The following CMYA5 variants were observed in gnomAD, a reference collection of about 807,000 sequenced individuals.
CMYA5 encodes cardiomyopathy associated 5.
Under a neutral mutation model 318.9 loss-of-function variants are expected in CMYA5, and 246 were observed. The observed-to-expected ratio is 0.77, with a 90% CI of 0.70 to 0.86. The LOEUF is 0.86. CMYA5 is among the 40% of genes least tolerant of loss of function. CMYA5 has a pLI of 0.00. For synonymous variants in CMYA5, 1,641 were observed against 1,729.5 expected, an observed-to-expected ratio of 0.95 and a Z score of 1.27; for missense variants, 4,589 against 4,678.2, an observed-to-expected ratio of 0.98 and a Z score of 0.56.
intron 1 of CMYA5, among the ~76,000 whole-genome samples, chr5:79,701,090 C>CAAAAAA (rs1554097982): frequency 2.0e-4 from 23 of 114,926 alleles, no homozygotes; most frequent in African/African-American, 6.2e-4. Flanking sequence ...ACTAAAAATA[C>CAAAAAA]AAAAAAAAAA....
chr5:79,766,261 G>A (rs1004101909), intron 9 of CMYA5, among the ~76,000 whole-genome samples: 3 of 151,988 alleles, frequency 2.0e-5, no homozygotes, highest in South Asian at 4.2e-4. Context: ...ACCAAGCCCC[G>A]CTAATTTTTT....
rs145112902 is a variant in CMYA5, at chr5:79,693,209, T to C, written c.149+3153T>C. 1.9e-3 allele frequency among the ~76,000 whole-genome samples: 285 copies of C among 152,284 alleles called. 1 individual carries two copies. The highest frequency in any genetic ancestry group is 6.0e-3 in the African/African-American group (248 of 41,556). On this transcript the variant is annotated intron_variant, in intron 1 of 12. Transcript: ENST00000446378. Reference sequence around the variant, plus strand: ...GTTTCTAAAACTTCATGGGAGAACTTTTGTGAAAGGCAGATTATAAAACTC... The same window carrying C: ...GTTTCTAAAACTTCATGGGAGAACTCTTGTGAAAGGCAGATTATAAAACTC...
chr5:79,734,189 A>G lies in CMYA5; in HGVS notation c.5424A>G (p.Glu1808=), dbSNP rs1827993016. The change falls in exon 2 of 13, where the codon GAA becomes GAG. Residue 1808 remains glutamate, a synonymous_variant. Coordinates refer to ENST00000446378, the MANE Select transcript of CMYA5 (RefSeq NM_153610.5). ...CCCAGGTACTCCAGAGTATAACAGA[A>G]CCATCAAAGATTGCTCCTTCTGACC... is the stretch of plus-strand genomic sequence containing the variant. ...NSSQVLQSIT[E]PSKIAPSDLL... is the part of the protein sequence containing the mutation. 5 of 1,613,716 alleles carry G rather than the reference A, an allele frequency of 3.1e-6. No individual in the cohort carries two copies. Among genetic ancestry groups the G allele is most frequent in the African/African-American group, 1.3e-5 (1 of 74,892 alleles).
In CMYA5 at chr5:79,731,440, G is replaced by A. The variant is rs759695468; in HGVS notation, c.2675G>A (p.Arg892Gln). The A allele has an allele frequency of 5.5e-5, 88 of 1,612,638 alleles. 2 individuals carry two copies. In the South Asian group the frequency reaches 8.1e-4, roughly 15 times the overall value. ...GACGAAGAGGCAGTCGAGTTGGAAC[G>A]ATACACACCCTCTTCTACATCTGCT... ...LSDEEAVELE[R>Q]YTPSSTSASE... is the part of the protein sequence containing the mutation. The change falls in exon 2 of 13, where the codon CGA (arginine) becomes CAA (glutamine). Residue 892 changes from arginine to glutamine, a missense_variant. Arg to Gln is a conservative substitution (Grantham distance 43). Transcript: ENST00000446378.
rs751836304 is a variant in CMYA5, at chr5:79,735,681, G to A, written c.6916G>A (p.Val2306Ile). The A allele has an allele frequency of 3.7e-5, 60 of 1,610,932 alleles. No individual in the cohort carries two copies. Among genetic ancestry groups the A allele is most frequent in the Non-Finnish European group, 8.5e-6 (10 of 1,179,202 alleles). The part of the protein sequence containing the change: ...GDSEEMNINS[V>I]VTSADGENLE... ...TTCAGAGGAAATGAACATAAACTCA[G>A]TAGTTACTTCTGCTGATGGTGAGAA... is the stretch of plus-strand genomic sequence containing the variant. The change falls in exon 2 of 13, where the codon GTA (valine) becomes ATA (isoleucine). Residue 2306 changes from valine (V) to isoleucine (I), a missense_variant. Around this residue, in one of 3 missense-constraint regions of CMYA5, gnomAD observed 2,431 missense variants for 2,495.1 expected, o/e 0.97. Coordinates refer to ENST00000446378, the MANE Select transcript of CMYA5 (RefSeq NM_153610.5).
chr5:79,760,120 C>T (rs1416535396), intron 7 of CMYA5, among the ~76,000 whole-genome samples: 1 of 151,074 alleles, frequency 6.6e-6, no homozygotes, highest in Non-Finnish European at 1.5e-5. Context: ...ACTTCATCTC[C>T]ATCTATTTCT....
At chr5:79,759,582 T>C (rs991377710) in intron 7 of CMYA5, among the ~76,000 whole-genome samples, 19 of 152,328 alleles carry the variant, frequency 1.2e-4, no homozygotes, top group African/African-American at 4.3e-4. Flanking sequence ...CAGAAGGACT[T>C]CTAATAAGCC....
At chr5:79,756,878 C>A (rs1411352654) in intron 6 of CMYA5, among the ~76,000 whole-genome samples, 3 of 151,630 alleles carry the variant, frequency 2.0e-5, no homozygotes, top group Admixed American at 6.6e-5. Flanking sequence ...GAAAAAAAAC[C>A]CATAAAAAAT....
chr5:79,750,916 G>T (rs1055609814), intron 5 of CMYA5, among the ~76,000 whole-genome samples: 1 of 152,166 alleles, frequency 6.6e-6, no homozygotes, highest in South Asian at 2.1e-4. Flanking sequence ...GCTACAAAAT[G>T]TCCTACATTA....
chr5:79,778,454 ATT>A (rs1828985414), intron 9 of CMYA5, among the ~76,000 whole-genome samples: 1 of 152,126 alleles, frequency 6.6e-6, no homozygotes, highest in African/African-American at 2.4e-5. Context: ...TCTTTTGACA[ATT>A]TGTAGAAAAT....
Position 79,730,979 on chromosome 5 carries a change from C to T in CMYA5, c.2214C>T (p.Asp738=). The T allele has an allele frequency of 6.2e-7, 1 of 1,613,860 alleles. No homozygotes were observed. Among genetic ancestry groups the T allele is most frequent in the Non-Finnish European group, 8.5e-7 (1 of 1,179,868 alleles). The change falls in exon 2 of 13, where the codon GAC becomes GAT. Residue 738 remains aspartate, a synonymous_variant. Coordinates refer to ENST00000446378, the MANE Select transcript of CMYA5 (RefSeq NM_153610.5). ...EYMIPSEEKE[D]TGSFTPAVAP... ...TGATTCCATCAGAAGAGAAGGAAGA[C>T]ACTGGATCGTTTACTCCAGCTGTGG...
chr5:79,729,599 T>C lies in CMYA5; in HGVS notation c.834T>C (p.Ser278=). The C allele has an allele frequency of 1.9e-6, 3 of 1,613,400 alleles. No individual in the cohort carries two copies. The highest frequency in any genetic ancestry group is 2.5e-6 in the Non-Finnish European group (3 of 1,179,318). ...SLEPDLDNSG[S]NTVSKTRKLV... ...AGCCAGATTTGGACAATAGTGGTTC[T>C]AATACAGTGTCCAAAACACGCAAAT... Residue 278 remains serine, a synonymous_variant, in exon 2 of 13, where the codon TCT becomes TCC. Coordinates refer to ENST00000446378, the MANE Select transcript of CMYA5 (RefSeq NM_153610.5).
chr5:79,799,832 A>G lies in CMYA5; in HGVS notation c.*216A>G. On this transcript the variant is annotated 3_prime_UTR_variant, in exon 13 of 13. Transcript: ENST00000446378. Reference sequence around the variant, plus strand: ...AAACAGAATGAAAACAACAACCTCCACTCTTTAGTTTATATAAGTTTGAGT... The same window carrying G: ...AAACAGAATGAAAACAACAACCTCCGCTCTTTAGTTTATATAAGTTTGAGT... 2 of 405,450 alleles carry G rather than the reference A, an allele frequency of 4.9e-6. No individual in the cohort carries two copies. Among genetic ancestry groups the G allele is most frequent in the South Asian group, 4.0e-5 (1 of 25,132 alleles). 25.1% of individuals were successfully genotyped at this position (405,450 alleles called of 1,614,324 possible).
chr5:79,791,665 A>C (rs1286524178), intron 11 of CMYA5, among the ~76,000 whole-genome samples: 1 of 146,476 alleles, frequency 6.8e-6, no homozygotes, highest in Non-Finnish European at 1.5e-5. Context: ...GGTTGCAGTG[A>C]GCTGAGATTG....
chr5:79,777,815 T>A (rs999970308), intron 9 of CMYA5, among the ~76,000 whole-genome samples: 1 of 151,990 alleles, frequency 6.6e-6, no homozygotes, highest in Non-Finnish European at 1.5e-5. Flanking sequence ...TAAGTTTTAT[T>A]TTATTGTTTT....
intron 8 of CMYA5, chr5:79,762,259 C>G (rs754937333): frequency 1.8e-5 from 5 of 280,458 alleles, no homozygotes; most frequent in African/African-American, 6.5e-5. Context: ...GGGGCAGGAT[C>G]GGAACTGCTT....
chr5:79,736,512 A>T lies in CMYA5; in HGVS notation c.7747A>T (p.Thr2583Ser). Reference protein sequence around the residue: ...DISLGHSLGETQSFSLVKATS... With the variant: ...DISLGHSLGESQSFSLVKATS... ...CTCTTTAGGTCATTCTTTGGGTGAA[A>T]CTCAATCATTTTCATTAGTTAAAGC... Residue 2583 changes from threonine to serine, a missense_variant, in exon 2 of 13, where the codon ACT becomes TCT. Physicochemically the swap from Thr to Ser is moderately conservative, Grantham distance 58 (BLOSUM62 1). Transcript: ENST00000446378. The T allele has an allele frequency of 6.2e-7, 1 of 1,613,060 alleles. No homozygotes were observed.
intron 12 of CMYA5, among the ~76,000 whole-genome samples, chr5:79,798,083 T>C (rs888044074): frequency 2.0e-5 from 3 of 152,170 alleles, no homozygotes; most frequent in Admixed American, 6.5e-5. Flanking sequence ...GAAAAGGTCC[T>C]TTATCAACTC....
At chr5:79,742,133 T>C (rs1828227450) in intron 2 of CMYA5, among the ~76,000 whole-genome samples, 1 of 146,624 alleles carries the variant, frequency 6.8e-6, no homozygotes, top group Non-Finnish European at 1.5e-5. Flanking sequence ...TTCCTCCTCC[T>C]CCCCTTCTTC....
Sources: allele counts gnomAD v4.1 joint callset (sites outside exome capture counted in the v4.1 genomes callset), GRCh38; gene constraint gnomAD v4.1.1; regional missense constraint gnomAD v4.1.1; transcripts MANE v1.5; gene names NCBI Gene and HGNC (gene_info 2026-07-23, HGNC 2026-07-21).